NDUFAF6: variants seen among roughly 807,000 people sequenced by gnomAD.
NDUFAF6 encodes the protein NADH:ubiquinone oxidoreductase complex assembly factor 6, also known as NADH dehydrogenase (ubiquinone) complex I, assembly factor 6.
In NDUFAF6, 45 loss-of-function variants were observed where a neutral mutation model predicts 40.8. That is an observed-to-expected ratio of 1.10 (90% CI 0.87 to 1.42). The LOEUF is 1.42. Among genes scored for constraint, NDUFAF6 ranks in the 40% most tolerant of loss-of-function variants. The probability of loss-of-function intolerance (pLI) is 0.00; values close to 1 mark genes in which losing one functional copy is unlikely to be tolerated. For synonymous variants in NDUFAF6, 185 were observed against 155.9 expected (o/e 1.19, Z -1.39); for missense variants, 435 against 418.5 (o/e 1.04, Z -0.34).
At chr8:94,940,713 C>T (rs1821449439) in intron 1 of NDUFAF6, 2 of 696,428 alleles carry the variant, frequency 2.9e-6, no homozygotes, top group Admixed American at 3.1e-5. Context: ...AGACAAACTC[C>T]TGCTTACTTT....
At chr8:94,930,261 C>A in intron 1 of NDUFAF6, 1 of 573,948 alleles carries the variant, frequency 1.7e-6, no homozygotes. Flanking sequence ...CAGAAATAAT[C>A]TGAAAAAGTG....
chr8:95,053,534 A>T (rs190704311), intron 8 of NDUFAF6, among the ~76,000 whole-genome samples: 2 of 152,350 alleles, frequency 1.3e-5, no homozygotes. Context: ...AGACCTAAAC[A>T]ATGCTTGGCC....
intron 1 of NDUFAF6, chr8:94,930,112 TTAAG>T (rs1820246342): frequency 1.0e-5 from 2 of 200,472 alleles, no homozygotes; most frequent in South Asian, 1.9e-4. Context: ...GCTTAAAAGA[TTAAG>T]TAATACAAAA....
At chr8:95,115,929 G>A (rs905541592) in intron 5 of NDUFAF6, among the ~76,000 whole-genome samples, 1 of 152,154 alleles carries the variant, frequency 6.6e-6, no homozygotes, top group African/African-American at 2.4e-5. Flanking sequence ...CCTGAGGTCA[G>A]CAGTTAGAGA....
At chr8:95,022,407 A>G (rs941796771), upstream of NDUFAF6, among the ~76,000 whole-genome samples, 1 of 151,910 alleles carries the variant, frequency 6.6e-6, no homozygotes, top group East Asian at 1.9e-4. Flanking sequence ...GTTTACTACT[A>G]GAACATTAAT....
chr8:95,078,971 C>CT (rs913948537), downstream of NDUFAF6, among the ~76,000 whole-genome samples: 14 of 150,916 alleles, frequency 9.3e-5, no homozygotes, highest in African/African-American at 1.7e-4. Context: ...TGAAGGACAT[C>CT]TTTTTTTTTG....
rs991108025 is a variant in NDUFAF6 at position 95,094,910 on chromosome 8, G to A, written n.214-6222G>A. On this transcript the variant is annotated intron_variant and non_coding_transcript_variant, in intron 2 of 5. Transcript: ENST00000523184. Reference sequence around the variant, plus strand: ...TAAGACTACAGGTGCACACCACCACGCCCAGCTAATTTCTTAATTTTTTGC... The same window carrying A: ...TAAGACTACAGGTGCACACCACCACACCCAGCTAATTTCTTAATTTTTTGC... Among the ~76,000 whole-genome samples, 4 of 150,976 alleles carry A rather than the reference G, an allele frequency of 2.6e-5. No individual in the cohort carries two copies. In the South Asian group the frequency reaches 6.2e-4, roughly 24 times the overall value.
intron 1 of NDUFAF6, chr8:94,932,101 C>T (rs966112780): frequency 1.2e-6 from 2 of 1,610,006 alleles, no homozygotes; most frequent in African/African-American, 1.3e-5. Flanking sequence ...AGCAGCTTTT[C>T]CTGGCCCTAC....
chr8:95,007,176 G>A (rs1452149651), intron 2 of NDUFAF6, among the ~76,000 whole-genome samples: 2 of 152,078 alleles, frequency 1.3e-5, no homozygotes, highest in Non-Finnish European at 2.9e-5. Flanking sequence ...GAAAGGCTGA[G>A]AGAGACCCAA....
intron 8 of NDUFAF6, among the ~76,000 whole-genome samples, chr8:95,054,108 A>G (rs1831802055): frequency 6.7e-6 from 1 of 149,940 alleles, no homozygotes; most frequent in African/African-American, 2.5e-5. Flanking sequence ...ACACCCAGCT[A>G]ATTTTAAAAA....
intron 1 of NDUFAF6, among the ~76,000 whole-genome samples, chr8:94,918,027 G>GT (rs1744625878): frequency 6.6e-6 from 1 of 152,146 alleles, no homozygotes; most frequent in Non-Finnish European, 1.5e-5. Context: ...GCGAAACTTT[G>GT]TAAGTTGTTT....
intron 1 of NDUFAF6, among the ~76,000 whole-genome samples, chr8:94,910,698 A>G (rs970793032): frequency 2.2e-4 from 33 of 152,216 alleles, no homozygotes; most frequent in African/African-American, 4.8e-5. Context: ...GCTCAGTCTT[A>G]AAAAGTTCAC....
At chr8:95,046,065 A>T (rs1450836363) in intron 5 of NDUFAF6, among the ~76,000 whole-genome samples, 4 of 150,716 alleles carry the variant, frequency 2.7e-5, no homozygotes, top group East Asian at 2.0e-4. Flanking sequence ...TATTTTATTT[A>T]TTTTATTTTA....
intron 2 of NDUFAF6, chr8:95,087,774 G>C (rs550681839): frequency 1.3e-5 from 2 of 152,374 alleles, no homozygotes; most frequent in South Asian, 2.1e-4. Context: ...CCCAGCTTTT[G>C]AGACGTTCAT....
chr8:95,105,745 C>T (rs1809825406), downstream of NDUFAF6, among the ~76,000 whole-genome samples: 3 of 152,038 alleles, frequency 2.0e-5, no homozygotes, highest in Admixed American at 2.0e-4. Flanking sequence ...ACGTGATCTG[C>T]CTGCCTTGGC....
At chr8:94,922,809 G>A (rs745623152) in intron 1 of NDUFAF6, among the ~76,000 whole-genome samples, 3 of 152,252 alleles carry the variant, frequency 2.0e-5, no homozygotes, top group African/African-American at 7.2e-5. Context: ...TCCCCCAGAT[G>A]ATTTGTTTGC....
chr8:95,116,318 A>G (rs1342488770), exon 6 of NDUFAF6: 1 of 148,292 alleles, frequency 6.7e-6, no homozygotes, highest in African/African-American at 2.5e-5. Context: ...TGGGGCCTGG[A>G]TCATGCTTTT....
chr8:94,985,371 TATAAA>T (rs1825729425), intron 2 of NDUFAF6, among the ~76,000 whole-genome samples: 1 of 149,604 alleles, frequency 6.7e-6, no homozygotes, highest in African/African-American at 2.5e-5. Context: ...TATCAGATTG[TATAAA>T]ATGATACATT....
chr8:94,910,507 A>G (rs1352119805), intron 1 of NDUFAF6, among the ~76,000 whole-genome samples: 1 of 152,140 alleles, frequency 6.6e-6, no homozygotes, highest in Non-Finnish European at 1.5e-5. Flanking sequence ...ATAATAACCC[A>G]TTTCTTTCTC....
Sources: allele counts gnomAD v4.1 joint callset (sites outside exome capture counted in the v4.1 genomes callset), GRCh38; gene constraint gnomAD v4.1.1; transcripts MANE v1.5; gene names NCBI Gene and HGNC (gene_info 2026-07-23, HGNC 2026-07-21).